The following GULP1 variants were observed in gnomAD, a reference collection of about 807,000 sequenced individuals.
GULP1 encodes the protein GULP PTB domain containing engulfment adaptor 1, also known as PTB domain-containing engulfment adapter protein 1.
In GULP1, 19 loss-of-function variants were observed where a neutral mutation model predicts 40.9. The observed-to-expected ratio is 0.46, with a 90% CI of 0.32 to 0.68. The LOEUF is 0.68. Among genes scored for constraint, GULP1 ranks in the 30% least tolerant of loss-of-function variants. The pLI is 0.03. For synonymous variants in GULP1, 119 were observed against 117.6 expected (o/e 1.01, Z -0.08); for missense variants, 312 against 362.2 (o/e 0.86, Z 1.12).
intron 1 of GULP1, among the ~76,000 whole-genome samples, chr2:188,374,031 C>T (rs1451682928): frequency 6.6e-6 from 1 of 151,956 alleles, no homozygotes; most frequent in East Asian, 1.9e-4. Context: ...AACTATGTGA[C>T]ATCATTTCTT....
rs538901494 is a variant in GULP1, at chr2:188,451,875, G to A, written c.-44-25784G>A. 4.6e-5 allele frequency among the ~76,000 whole-genome samples: 7 copies of A among 152,154 alleles called. No individual in the cohort carries two copies. In the South Asian group the frequency reaches 1.5e-3, roughly 32 times the overall value. On this transcript the variant is annotated intron_variant, in intron 2 of 11. Transcript: ENST00000409830. The stretch of plus-strand genomic sequence containing the variant: ...GAAATATATCTGTCATTAATATATA[G>A]TAAGTTAAAGTTTTATTTTAAAGGC...
intron 6 of GULP1, among the ~76,000 whole-genome samples, chr2:188,531,792 G>A (rs1194271897): frequency 6.6e-6 from 1 of 152,100 alleles, no homozygotes; most frequent in Non-Finnish European, 1.5e-5. Context: ...AATTACAGAA[G>A]GACAATGCAA....
At chr2:188,335,787 G>C (rs1014482440) in intron 1 of GULP1, among the ~76,000 whole-genome samples, 1 of 152,154 alleles carries the variant, frequency 6.6e-6, no homozygotes, top group Non-Finnish European at 1.5e-5. Context: ...TTGAAATGCA[G>C]TTAGCATTAG....
chr2:188,487,241 T>C (rs538691485), intron 4 of GULP1, among the ~76,000 whole-genome samples: 237 of 152,148 alleles, frequency 1.6e-3, no homozygotes, highest in Non-Finnish European at 2.8e-3. Context: ...GAAACTTTTT[T>C]TATTGAATGT....
chr2:188,407,410 C>T (rs1383739559), intron 2 of GULP1, among the ~76,000 whole-genome samples: 2 of 151,922 alleles, frequency 1.3e-5, no homozygotes, highest in African/African-American at 4.8e-5. Context: ...AGTATGAAAG[C>T]TAAAAGACAA....
At chr2:188,578,205 T>A (rs1039742248) in intron 9 of GULP1, among the ~76,000 whole-genome samples, 7 of 152,094 alleles carry the variant, frequency 4.6e-5, no homozygotes, top group Non-Finnish European at 8.8e-5. Context: ...CAGAATTGCT[T>A]AATCTTAAAA....
At chr2:188,428,166 ATTTACC>A (rs2056442144) in intron 2 of GULP1, among the ~76,000 whole-genome samples, 1 of 152,162 alleles carries the variant, frequency 6.6e-6, no homozygotes, top group South Asian at 2.1e-4. Context: ...GAATGGGGGT[ATTTACC>A]CAATGCCTGT....
intron 1 of GULP1, among the ~76,000 whole-genome samples, chr2:188,352,614 T>TCACACACACACACACACACACA (rs1326667036): frequency 8.3e-5 from 5 of 60,352 alleles, no homozygotes; most frequent in East Asian, 1.2e-3. Context: ...TCTCTCTCTC[T>TCACACACACACACACACACACA]CTCTCACACA....
intron 1 of GULP1, among the ~76,000 whole-genome samples, chr2:188,323,676 GTGTGTGTGTGTGTA>G (rs1425317721): frequency 1.2e-3 from 128 of 109,694 alleles, no homozygotes; most frequent in Non-Finnish European, 1.0e-3. Context: ...GTGTGTGTGT[GTGTGTGTGTGTGTA>G]TGTGTGTACA....
intron 4 of GULP1, among the ~76,000 whole-genome samples, chr2:188,508,563 G>C (rs185301368): frequency 6.6e-6 from 1 of 151,840 alleles, no homozygotes; most frequent in Non-Finnish European, 1.5e-5. Flanking sequence ...CTCCTTTCCC[G>C]TACTCCACAA....
chr2:188,318,987 C>T (rs67389016), intron 1 of GULP1, among the ~76,000 whole-genome samples: 23,017 of 151,958 alleles, frequency 0.15, 1,896 homozygotes, highest in African/African-American at 0.17. Flanking sequence ...TGCCCTGCAT[C>T]GAATACATTA....
chr2:188,557,263 G>A lies in GULP1; in HGVS notation c.400-11976G>A, dbSNP rs959657525. ...TTTGGCATTAACCCCAAAGTCCAAA[G>A]TCCAAAATCTCATCTGAGACAAGGG... On this transcript the variant is annotated intron_variant, in intron 7 of 11. Transcript: ENST00000409830. 1.2e-4 allele frequency among the ~76,000 whole-genome samples: 19 copies of A among 152,284 alleles called. No homozygotes were observed. In the East Asian group the frequency reaches 1.7e-3, roughly 14 times the overall value.
chr2:188,345,918 G>C (rs1205815272), intron 1 of GULP1, among the ~76,000 whole-genome samples: 1 of 152,178 alleles, frequency 6.6e-6, no homozygotes, highest in Non-Finnish European at 1.5e-5. Context: ...CACTCTGTCT[G>C]ATGTTATGGG....
intron 10 of GULP1, among the ~76,000 whole-genome samples, chr2:188,585,573 A>G (rs1490795149): frequency 2.0e-5 from 3 of 152,210 alleles, no homozygotes; most frequent in Non-Finnish European, 4.4e-5. Context: ...GAAGCCACCA[A>G]GGCTTAGGGC....
At chr2:188,554,515 T>C (rs982377414) in intron 7 of GULP1, among the ~76,000 whole-genome samples, 3 of 151,626 alleles carry the variant, frequency 2.0e-5, no homozygotes, top group African/African-American at 7.3e-5. Context: ...GTAGAAATTA[T>C]TATCTTTTTT....
chr2:188,457,376 C>T (rs759089647), intron 2 of GULP1, among the ~76,000 whole-genome samples: 2 of 152,048 alleles, frequency 1.3e-5, no homozygotes, highest in Non-Finnish European at 2.9e-5. Context: ...GGGGGTGGCT[C>T]TTTTCTGTGC....
intron 9 of GULP1, among the ~76,000 whole-genome samples, chr2:188,571,697 T>G (rs1351517162): frequency 6.6e-6 from 1 of 152,226 alleles, no homozygotes. Flanking sequence ...CATCCCAAGA[T>G]GGAACACACA....
chr2:188,447,862 G>A (rs1385621403), intron 2 of GULP1, among the ~76,000 whole-genome samples: 2 of 152,162 alleles, frequency 1.3e-5, no homozygotes, highest in African/African-American at 2.4e-5. Flanking sequence ...TGCTGTAAAT[G>A]TGTCTTGTTT....
intron 6 of GULP1, among the ~76,000 whole-genome samples, chr2:188,537,114 A>G (rs1422521226): frequency 6.6e-6 from 1 of 152,004 alleles, no homozygotes; most frequent in African/African-American, 2.4e-5. Context: ...CTAGGTAGAT[A>G]ATCATATTGT....
Sources: gnomAD v4.1 joint callset for allele counts (sites outside exome capture counted in the v4.1 genomes callset) on GRCh38, gnomAD v4.1.1 for gene constraint, MANE v1.5 for transcripts, NCBI Gene and HGNC (gene_info 2026-07-23, HGNC 2026-07-21) for gene names.